The following KDM4C variants were observed in gnomAD, a reference collection of about 807,000 sequenced individuals.
KDM4C encodes the protein lysine-specific demethylase 4C.
KDM4C carries 81 observed loss-of-function variants against 129.3 expected under a neutral mutation model. The observed-to-expected ratio is 0.63, with a 90% CI of 0.52 to 0.75. KDM4C has a LOEUF of 0.75. Ranked by LOEUF, KDM4C falls within the 30% of genes least tolerant of loss-of-function variation. The pLI is 0.00. For missense variants in KDM4C, 1,457 were observed against 1,304.0 expected, an observed-to-expected ratio of 1.12 and a Z score of -1.81; for synonymous variants, 573 against 456.1, an observed-to-expected ratio of 1.26 and a Z score of -3.26.
chr9:6,988,921 C>A (rs1818234368), intron 11 of KDM4C, among the ~76,000 whole-genome samples: 1 of 152,132 alleles, frequency 6.6e-6, no homozygotes, highest in Non-Finnish European at 1.5e-5. Context: ...TCTTTATTTT[C>A]CTTCGTTACA....
intron 19 of KDM4C, among the ~76,000 whole-genome samples, chr9:7,149,409 G>A (rs1298017428): frequency 1.3e-5 from 2 of 152,246 alleles, no homozygotes; most frequent in Non-Finnish European, 2.9e-5. Flanking sequence ...GAGAGCACAG[G>A]GATGCCCGGG....
At chr9:6,771,606 C>T (rs1018902101) in intron 1 of KDM4C, among the ~76,000 whole-genome samples, 3 of 152,184 alleles carry the variant, frequency 2.0e-5, no homozygotes, top group Middle Eastern at 3.4e-3. Context: ...CCACTGCACC[C>T]GGCCAGTATT....
intron 15 of KDM4C, among the ~76,000 whole-genome samples, chr9:7,035,311 GCCATTTGC>G: frequency 1.3e-5 from 1 of 77,632 alleles, no homozygotes; most frequent in Non-Finnish European, 3.4e-5. Context: ...ACCATGCCTG[GCCATTTGC>G]CCATTCTTAA....
chr9:7,122,265 A>ACACACACACACTCTCTCTCTCTCTCT (rs375655422), intron 18 of KDM4C, among the ~76,000 whole-genome samples: 12 of 144,714 alleles, frequency 8.3e-5, no homozygotes, highest in African/African-American at 2.6e-4. Context: ...ACACACACAC[A>ACACACACACACTCTCTCTCTCTCTCT]CTCTCTCTCT....
intron 3 of KDM4C, among the ~76,000 whole-genome samples, 166 bp from the exon 4 acceptor site, chr9:6,814,465 G>T (rs1831717493): frequency 6.6e-6 from 1 of 152,170 alleles, no homozygotes; most frequent in Admixed American, 6.5e-5. Context: ...AGACTATTCA[G>T]ATAGCTATGT....
chr9:7,050,202 T>C (rs1829948093), intron 17 of KDM4C, among the ~76,000 whole-genome samples: 1 of 152,030 alleles, frequency 6.6e-6, no homozygotes, highest in African/African-American at 2.4e-5. Context: ...AGAATTTCAC[T>C]TCACTAGGAA....
At chr9:7,008,528 G>A (rs1822099849) in intron 12 of KDM4C, among the ~76,000 whole-genome samples, 1 of 152,196 alleles carries the variant, frequency 6.6e-6, no homozygotes, top group African/African-American at 2.4e-5. Context: ...GTGGACCTGG[G>A]TTTCATGCCT....
At chr9:6,815,406 G>A (rs1372194694) in intron 4 of KDM4C, among the ~76,000 whole-genome samples, 1 of 151,558 alleles carries the variant, frequency 6.6e-6, no homozygotes, top group African/African-American at 2.4e-5. Context: ...AAACATACAG[G>A]GTCTCAGTAT....
chr9:7,056,100 T>C (rs1830827829), intron 17 of KDM4C, among the ~76,000 whole-genome samples: 2 of 152,128 alleles, frequency 1.3e-5, no homozygotes, highest in Admixed American at 6.5e-5. Flanking sequence ...TTGACAATGA[T>C]GAGAAAACTT....
chr9:7,126,136 T>C (rs1444035417), intron 18 of KDM4C, among the ~76,000 whole-genome samples: 1 of 152,142 alleles, frequency 6.6e-6, no homozygotes, highest in East Asian at 1.9e-4. Flanking sequence ...CTTGTTTCCT[T>C]AGCATGATGT....
At chr9:6,863,534 C>T (rs981053794) in intron 5 of KDM4C, among the ~76,000 whole-genome samples, 6 of 152,024 alleles carry the variant, frequency 3.9e-5, no homozygotes, top group Non-Finnish European at 5.9e-5. Context: ...CCATGGCTCA[C>T]GGCTGTAATC....
chr9:6,923,908 G>C (rs955734000), intron 8 of KDM4C, among the ~76,000 whole-genome samples: 4 of 152,198 alleles, frequency 2.6e-5, no homozygotes, highest in Non-Finnish European at 5.9e-5. Flanking sequence ...GCAGGAATCT[G>C]AGAAGAGACC....
chr9:7,044,886 G>C (rs1051811482), intron 15 of KDM4C, among the ~76,000 whole-genome samples: 1 of 151,974 alleles, frequency 6.6e-6, no homozygotes, highest in Non-Finnish European at 1.5e-5. Flanking sequence ...CTGAGGGTCA[G>C]CTAGAGGTGC....
At chr9:6,739,127 C>T (rs920084399) in intron 1 of KDM4C, among the ~76,000 whole-genome samples, 3 of 152,090 alleles carry the variant, frequency 2.0e-5, no homozygotes, top group African/African-American at 7.2e-5. Flanking sequence ...AATTGGAGTG[C>T]AGTGGTGAAA....
intron 17 of KDM4C, among the ~76,000 whole-genome samples, chr9:7,066,054 A>G (rs7873228): frequency 0.4 from 60,029 of 151,784 alleles, 12,737 homozygotes; most frequent in Middle Eastern, 0.49. Flanking sequence ...CACAAAGCAT[A>G]TATTTGAAAT....
At chr9:6,938,987 A>G (rs1415785952) in intron 8 of KDM4C, among the ~76,000 whole-genome samples, 1 of 151,960 alleles carries the variant, frequency 6.6e-6, no homozygotes, top group Middle Eastern at 3.2e-3. Context: ...TTATTAGACA[A>G]AGTTCAGTGA....
At chr9:6,881,197 C>T (rs1194947838) in intron 6 of KDM4C, among the ~76,000 whole-genome samples, 1 of 152,134 alleles carries the variant, frequency 6.6e-6, no homozygotes, top group Non-Finnish European at 1.5e-5. Context: ...TTAATGGCAC[C>T]TAAAGGTTAC....
chr9:7,000,637 T>C (rs970922078), intron 12 of KDM4C, among the ~76,000 whole-genome samples: 5 of 152,328 alleles, frequency 3.3e-5, no homozygotes, highest in Admixed American at 2.6e-4. Flanking sequence ...TAGGTTATAA[T>C]ATATATGAAA....
chr9:6,766,928 T>C (rs1473003211), intron 1 of KDM4C, among the ~76,000 whole-genome samples: 1 of 152,142 alleles, frequency 6.6e-6, no homozygotes, highest in Non-Finnish European at 1.5e-5. Flanking sequence ...ATCTTTGCAT[T>C]TGTTTTTTGT....
Sources: allele counts gnomAD v4.1 joint callset (sites outside exome capture counted in the v4.1 genomes callset), GRCh38; gene constraint gnomAD v4.1.1; transcripts MANE v1.5; gene names NCBI Gene and HGNC (gene_info 2026-07-23, HGNC 2026-07-21).